Variants in CFAP92 observed in about 807,000 individuals in gnomAD.
CFAP92 encodes uncharacterized protein CFAP92.
CFAP92 carries 86 observed loss-of-function variants against 106.3 expected under a neutral mutation model. The ratio of observed to expected loss-of-function variants is 0.81; its 90% CI spans 0.68 to 0.97. CFAP92 has a LOEUF of 0.97. CFAP92 is among the 50% of genes least tolerant of loss of function. The pLI, the probability that CFAP92 is intolerant of heterozygous loss-of-function variation, is 0.00. For synonymous variants in CFAP92, 477 were observed against 506.4 expected (o/e 0.94, Z 0.78); for missense variants, 1,204 against 1,283.8 (o/e 0.94, Z 0.95).
intron 12 of CFAP92, among the ~76,000 whole-genome samples, chr3:128,923,242 C>T (rs1937448204): frequency 6.6e-6 from 1 of 152,194 alleles, no homozygotes. Context: ...GGGGGTTCCC[C>T]CAGTACGAGC....
intron 9 of CFAP92, among the ~76,000 whole-genome samples, chr3:128,956,207 TA>T (rs1256391409): frequency 1.9e-5 from 1 of 53,226 alleles, no homozygotes; most frequent in African/African-American, 1.4e-4. Context: ...AAAAAAAAAA[TA>T]AAAAAATAAA....
the CFAP92 span, among the ~76,000 whole-genome samples, chr3:129,026,366 A>G: frequency 6.6e-6 from 1 of 151,976 alleles, no homozygotes; most frequent in Admixed American, 6.5e-5. Flanking sequence ...GGAATAGAAG[A>G]AGCAGCAGCA....
At position 128,945,217 on chromosome 3, in the gene CFAP92, G is replaced by A. The variant is rs549597897; in HGVS notation, c.2112C>T (p.Ala704=). The change falls in exon 10 of 16, where the codon GCC becomes GCT. Residue 704 remains alanine, a synonymous_variant. Transcript: ENST00000645291. ...PVRTLQQILS[A]FKVRVRVQEQ... ...CCTGGACCCGCACACGCACCTTGAA[G>A]GCTGACAGGATCTGCTGCAGGGTCC... is the stretch of plus-strand genomic sequence containing the variant. The A allele has an allele frequency of 1.3e-6, 2 of 1,536,162 alleles. No individual in the cohort carries two copies. The highest frequency in any genetic ancestry group is 2.7e-5 in the African/African-American group (2 of 73,154).
chr3:128,933,481 T>C (rs1353168700), intron 11 of CFAP92, among the ~76,000 whole-genome samples: 1 of 152,192 alleles, frequency 6.6e-6, no homozygotes, highest in Middle Eastern at 3.2e-3. Flanking sequence ...CCCTCTGCCA[T>C]GGCCTGGTGT....
chr3:129,001,638 G>A (rs1221849247), intron 1 of CFAP92: 1 of 1,376,588 alleles, frequency 7.3e-7, no homozygotes, highest in Non-Finnish European at 9.3e-7. Flanking sequence ...GATGGAGCCG[G>A]TCAGCACGGG....
chr3:128,913,012 C>T (rs1174949727), intron 15 of CFAP92: 1 of 459,968 alleles, frequency 2.2e-6, no homozygotes, highest in Admixed American at 2.3e-5. Flanking sequence ...AGCTTGAAAG[C>T]TCTGTCTGGG....
intron 10 of CFAP92, 77 bp downstream of exon 10, chr3:128,944,994 G>T: frequency 1.6e-6 from 2 of 1,259,362 alleles, no homozygotes; most frequent in Non-Finnish European, 2.1e-6. Flanking sequence ...ACCTAGGCTT[G>T]GCTCTGAAAG....
chr3:128,928,202 G>A (rs899600451), intron 12 of CFAP92, among the ~76,000 whole-genome samples: 5 of 152,122 alleles, frequency 3.3e-5, no homozygotes, highest in African/African-American at 9.7e-5. Context: ...GCAGTGAGCC[G>A]AGATCGTGCC....
At chr3:128,989,761 G>C (rs1331186950) in intron 2 of CFAP92, among the ~76,000 whole-genome samples, 1 of 152,204 alleles carries the variant, frequency 6.6e-6, no homozygotes, top group Admixed American at 6.5e-5. Context: ...CCAGGAGACT[G>C]CTGCAGCATT....
intron 10 of CFAP92, among the ~76,000 whole-genome samples, chr3:128,938,354 G>T (rs778284220): frequency 6.6e-5 from 10 of 152,068 alleles, no homozygotes; most frequent in Non-Finnish European, 1.0e-4. Context: ...AGCAAATTAG[G>T]AACAGAATGG....
chr3:129,005,521 A>G (rs1227823815), upstream of CFAP92, among the ~76,000 whole-genome samples: 1 of 152,254 alleles, frequency 6.6e-6, no homozygotes, highest in African/African-American at 2.4e-5. Flanking sequence ...GTTTTAAGTA[A>G]GGAGGTGACA....
the CFAP92 span, among the ~76,000 whole-genome samples, chr3:129,020,714 G>T: frequency 6.6e-6 from 1 of 152,198 alleles, no homozygotes; most frequent in African/African-American, 2.4e-5. Context: ...TTATTGGAGT[G>T]GCTGGCCCAG....
At chr3:129,007,499 C>G (rs1344973918), upstream of CFAP92, among the ~76,000 whole-genome samples, 3 of 152,188 alleles carry the variant, frequency 2.0e-5, no homozygotes, top group Admixed American at 2.0e-4. Context: ...CAGCTTGAAG[C>G]CATTTGGTTA....
intron 1 of CFAP92, chr3:129,002,012 GGCGCGCCTGGCGCT>G (rs1014090050): frequency 4.5e-6 from 7 of 1,545,644 alleles, no homozygotes; most frequent in African/African-American, 4.1e-5. Context: ...CCGATGAAGA[GGCGCGCCTGGCGCT>G]GCGCGCCGAG....
intron 12 of CFAP92, 71 bp from the exon 13 acceptor site, chr3:128,916,342 G>T: frequency 9.7e-7 from 1 of 1,029,490 alleles, no homozygotes; most frequent in South Asian, 5.0e-5. Flanking sequence ...CATATGCAGT[G>T]AGATGATCTC....
At chr3:128,915,895 C>T in intron 13 of CFAP92, 2 of 434,608 alleles carry the variant, frequency 4.6e-6, no homozygotes, top group Non-Finnish European at 8.0e-6. Flanking sequence ...TCTGAGCTTA[C>T]ATTGAGGATC....
chr3:128,988,950 T>C (rs1944036205), intron 2 of CFAP92, 32 bp from the exon 3 acceptor site: 1 of 1,555,142 alleles, frequency 6.4e-7, no homozygotes, highest in African/African-American at 1.4e-5. Context: ...AGTCTCGTTT[T>C]AACCTCATGT....
chr3:128,912,404 A>G lies in CFAP92; in HGVS notation c.3281-2071T>C, dbSNP rs936749635. ...AGGGGTTCACCCTTAGGGCTGCTTC[A>G]TGGTGGGTGGGCTGACTTTGTGGAA... On this transcript the variant is annotated intron_variant, in intron 15 of 15. Transcript: ENST00000645291. 8 of 995,982 alleles carry G rather than the reference A, an allele frequency of 8.0e-6. No homozygotes were observed. The African/African-American group carries it at 1.3e-4, about 16-fold the overall frequency. 61.7% of individuals were successfully genotyped at this position (995,982 alleles called of 1,614,324 possible). A position where few individuals can be genotyped will look rare whatever the true frequency, so the allele number is the denominator to read the frequency against.
intron 2 of CFAP92, 80 bp from the exon 3 acceptor site, chr3:128,988,998 G>T: frequency 9.1e-7 from 1 of 1,101,624 alleles, no homozygotes; most frequent in Non-Finnish European, 1.3e-6. Flanking sequence ...CCTGGAGCTT[G>T]ATGTTGTGAG....
Sources: gnomAD v4.1 joint callset for allele counts (sites outside exome capture counted in the v4.1 genomes callset) on GRCh38, gnomAD v4.1.1 for gene constraint, MANE v1.5 for transcripts, NCBI Gene and HGNC (gene_info 2026-07-23, HGNC 2026-07-21) for gene names.